The following MCF2 variants were observed in gnomAD, a reference collection of about 807,000 sequenced individuals.
MCF2 encodes the protein MCF.2 cell line derived transforming sequence.
A neutral mutation model predicts 82.5 loss-of-function variants in MCF2; 44 were observed. The ratio of observed to expected loss-of-function variants is 0.53; its 90% confidence interval spans 0.42 to 0.69. The LOEUF is 0.69. MCF2 is among the 30% of genes least tolerant of loss of function. The pLI is 0.00. For synonymous variants in MCF2, 217 were observed against 224.9 expected (o/e 0.96, Z 0.32); for missense variants, 623 against 663.1 (o/e 0.94, Z 0.66).
At chrX:139,626,447 T>G in intron 5 of MCF2, 140 bp from the exon 9 acceptor site, 1 of 599,009 alleles carries the variant, frequency 1.7e-6, no homozygotes, top group South Asian at 3.0e-5. Flanking sequence ...AGACAACCAA[T>G]GTCCACAGAC....
intron 1 of MCF2, among the ~76,000 whole-genome samples, chrX:139,699,834 C>T (rs1019569437): frequency 8.0e-5 from 9 of 112,022 alleles, no homozygotes; most frequent in Middle Eastern, 9.2e-3. Context: ...CTCCTGAGAA[C>T]GTTGTCATTT....
intron 1 of MCF2, among the ~76,000 whole-genome samples, chrX:139,664,565 GC>G (rs1934455008): frequency 8.9e-6 from 1 of 111,886 alleles, no homozygotes; most frequent in African/African-American, 3.3e-5. Context: ...ACCCTCCAGG[GC>G]AACAGGTTTC....
At chrX:139,605,621 G>A (rs974085575) in intron 13 of MCF2, 92 bp downstream of exon 17, 17 of 721,326 alleles carry the variant, frequency 2.4e-5, no homozygotes, top group African/African-American at 2.2e-4. Context: ...GGAAGGAGAC[G>A]GAAGTAGAAG....
chrX:139,604,820 CTTTAAA>C, intron 14 of MCF2, 43 bp downstream of exon 18: 1 of 1,069,218 alleles, frequency 9.4e-7, no homozygotes, highest in East Asian at 3.1e-5. Context: ...AAAGAGAGCA[CTTTAAA>C]TAGTTTTATA....
At chrX:139,621,251 G>A (rs1008049568) in intron 6 of MCF2, among the ~76,000 whole-genome samples, 2 of 111,525 alleles carry the variant, frequency 1.8e-5, no homozygotes, top group Non-Finnish European at 3.8e-5. Flanking sequence ...AATCTTGGGA[G>A]AAAAGCTAGG....
chrX:139,651,817 C>T (rs189399680), intron 1 of MCF2, 29 bp from the exon 2 acceptor site: 1 of 931,885 alleles, frequency 1.1e-6, no homozygotes, highest in African/African-American at 1.9e-5. Flanking sequence ...GAAGAAATGA[C>T]ATACATGTTA....
intron 2 of MCF2, among the ~76,000 whole-genome samples, chrX:139,650,343 G>A (rs892297244): frequency 9.0e-6 from 1 of 111,020 alleles, no homozygotes; most frequent in Non-Finnish European, 1.9e-5. Context: ...AAAAGAGCAA[G>A]AAGTTGTCTT....
intron 19 of MCF2, among the ~76,000 whole-genome samples, chrX:139,596,322 G>T (rs1308122554): frequency 1.8e-5 from 2 of 111,192 alleles, no homozygotes; most frequent in Non-Finnish European, 3.8e-5. Flanking sequence ...ACCTAGGATC[G>T]TAGTGAGAAG....
At chrX:139,616,610 G>A (rs772044114) in intron 8 of MCF2, 137 bp from the exon 12 acceptor site, 1 of 327,793 alleles carries the variant, frequency 3.1e-6, no homozygotes. Flanking sequence ...AAAAAAAAAA[G>A]ATATCTGGGT....
chrX:139,582,536 T>C (rs748360016), intron 24 of MCF2, 33 bp from the exon 29 acceptor site: 2 of 1,119,265 alleles, frequency 1.8e-6, no homozygotes, highest in East Asian at 3.0e-5. Context: ...TATTGCTCAG[T>C]TTACAACTTG....
intron 20 of MCF2, among the ~76,000 whole-genome samples, chrX:139,589,172 A>G (rs746627911): frequency 5.4e-5 from 6 of 111,693 alleles, no homozygotes; most frequent in African/African-American, 2.0e-4. Context: ...TCCTCCCATC[A>G]CTTACAAGAT....
intron 6 of MCF2, among the ~76,000 whole-genome samples, chrX:139,624,528 T>C (rs965537115): frequency 4.4e-4 from 43 of 98,663 alleles, no homozygotes; most frequent in African/African-American, 1.6e-3. Flanking sequence ...GACAGAACTG[T>C]CTCAAAAAAA....
chrX:139,613,654 A>G (rs1172194507), intron 10 of MCF2, among the ~76,000 whole-genome samples: 1 of 111,623 alleles, frequency 9.0e-6, no homozygotes, highest in Non-Finnish European at 1.9e-5. Context: ...ACATGGAGCC[A>G]GAAATCTAAC....
chrX:139,604,658 A>G, intron 15 of MCF2, 23 bp downstream of exon 19: 1 of 1,044,392 alleles, frequency 9.6e-7, no homozygotes, highest in Non-Finnish European at 1.3e-6. Context: ...ATTTATATAT[A>G]TTTAAAAAAT....
chrX:139,630,983 G>T lies in MCF2; in HGVS notation c.288+412C>A, dbSNP rs188150390. ...CTTTTTAAGATCCCTGTGAGGTAAG[G>T]TATTATTAGTCCCATTTTGCAGTTA... On this transcript the variant is annotated intron_variant, in intron 3 of 24. Transcript: ENST00000370576. 2.7e-5 allele frequency among the ~76,000 whole-genome samples: 3 copies of T among 111,932 alleles called. No homozygotes were observed. In the East Asian group the frequency reaches 8.4e-4, roughly 31 times the overall value.
chrX:139,612,094 A>G (rs1603285152), intron 10 of MCF2, among the ~76,000 whole-genome samples: 1 of 110,376 alleles, frequency 9.1e-6, no homozygotes, highest in East Asian at 2.9e-4. Context: ...GATGAAAAAA[A>G]AAAGTGAATG....
Position 139,609,291 on chromosome X carries a change from T to C in MCF2, c.1401+1010A>G, listed in dbSNP as rs112129493. On this transcript the variant is annotated intron_variant, in intron 11 of 24. Coordinates refer to ENST00000370576, the Ensembl canonical transcript of MCF2. ...TGGGAGCAGTGGCTCATGCCTGTAA[T>C]CCCAACACTTTGGGAGACCAAGGCG... Among the ~76,000 whole-genome samples, 483 of 112,527 alleles carry C rather than the reference T, an allele frequency of 4.3e-3. 2 individuals carry two copies. The highest frequency in any genetic ancestry group is 0.014 in the African/African-American group (445 of 31,017).
chrX:139,622,623 C>A (rs772410392), intron 6 of MCF2, among the ~76,000 whole-genome samples: 2 of 109,526 alleles, frequency 1.8e-5, no homozygotes, highest in Non-Finnish European at 3.8e-5. Flanking sequence ...AGCAAACTAT[C>A]GCAAGGACAA....
intron 6 of MCF2, among the ~76,000 whole-genome samples, chrX:139,620,776 AATGGCC>A (rs1391930698): frequency 8.9e-6 from 1 of 111,816 alleles, no homozygotes; most frequent in African/African-American, 3.2e-5. Context: ...CTATCATTCA[AATGGCC>A]ATACTGTCCA....
Sources: allele counts gnomAD v4.1 joint callset (sites outside exome capture counted in the v4.1 genomes callset), GRCh38; gene constraint gnomAD v4.1.1; transcripts MANE v1.5; gene names NCBI Gene and HGNC (gene_info 2026-07-23, HGNC 2026-07-21).